The following KAZN variants were observed in gnomAD, a reference collection of about 807,000 sequenced individuals.
KAZN encodes the protein kazrin, periplakin interacting protein.
Under a neutral mutation model 87.4 loss-of-function variants are expected in KAZN, and 40 were observed. The observed-to-expected ratio is 0.46, with a 90% confidence interval of 0.36 to 0.60. KAZN has a LOEUF of 0.60. Among genes scored for constraint, KAZN ranks in the 20% least tolerant of loss-of-function variants. The pLI is 0.00. For missense variants in KAZN, 898 were observed against 1,073.9 expected (o/e 0.84, Z 2.29); for synonymous variants, 466 against 458.3 (o/e 1.02, Z -0.22).
chr1:14,289,364 C>A (rs1653502839), intron 2 of KAZN, among the ~76,000 whole-genome samples: 1 of 152,106 alleles, frequency 6.6e-6, no homozygotes, highest in Non-Finnish European at 1.5e-5. Context: ...TCTGGGTGCT[C>A]CTGTATTGGG....
At chr1:14,484,903 G>T (rs1669266102) in intron 2 of KAZN, among the ~76,000 whole-genome samples, 1 of 152,184 alleles carries the variant, frequency 6.6e-6, no homozygotes. Flanking sequence ...ACTTCTGTTT[G>T]TCTCATGTCT....
At chr1:14,179,788 CCT>C (rs1646157977) in intron 1 of KAZN, among the ~76,000 whole-genome samples, 1 of 152,136 alleles carries the variant, frequency 6.6e-6, no homozygotes, top group Non-Finnish European at 1.5e-5. Context: ...TTAAAAGAAG[CCT>C]CTCTGCTGTG....
chr1:14,834,181 A>G (rs1647145103), intron 1 of KAZN, among the ~76,000 whole-genome samples: 1 of 151,630 alleles, frequency 6.6e-6, no homozygotes, highest in African/African-American at 2.4e-5. Context: ...GGTTGCAGTC[A>G]TCTGCCACCA....
chr1:13,950,221 G>A (rs186906166), intron 1 of KAZN, among the ~76,000 whole-genome samples: 22 of 152,192 alleles, frequency 1.4e-4, no homozygotes, highest in Non-Finnish European at 1.5e-4. Flanking sequence ...CGCCTCCTCC[G>A]ATGGTCCTGC....
intron 1 of KAZN, among the ~76,000 whole-genome samples, chr1:14,827,274 G>A (rs951389331): frequency 2.6e-5 from 4 of 152,198 alleles, no homozygotes; most frequent in Admixed American, 6.5e-5. Flanking sequence ...TAAACTTTCC[G>A]TAAGTGTTTG....
At chr1:14,621,470 C>G (rs971603935) in intron 1 of KAZN, among the ~76,000 whole-genome samples, 1 of 152,208 alleles carries the variant, frequency 6.6e-6, no homozygotes, top group Non-Finnish European at 1.5e-5. Flanking sequence ...ACCATAGAGA[C>G]AGGTCTCCTC....
At chr1:14,064,174 AG>A (rs1642911107) in intron 1 of KAZN, among the ~76,000 whole-genome samples, 1 of 152,188 alleles carries the variant, frequency 6.6e-6, no homozygotes, top group Admixed American at 6.5e-5. Context: ...AAGTATATGC[AG>A]TAGCTCACAG....
intron 1 of KAZN, among the ~76,000 whole-genome samples, chr1:14,164,758 C>T (rs747659060): frequency 6.6e-6 from 1 of 151,896 alleles, no homozygotes; most frequent in Non-Finnish European, 1.5e-5. Flanking sequence ...CAGGCTGGTC[C>T]CAAATCCTAA....
chr1:14,481,412 G>A lies in KAZN; in HGVS notation c.250-117571G>A, dbSNP rs149639549. 6.3e-3 allele frequency among the ~76,000 whole-genome samples: 866 copies of A among 136,812 alleles called. 7 individuals are homozygous for A. Among genetic ancestry groups the A allele is most frequent in the Non-Finnish European group, 0.01 (648 of 62,678 alleles). The allele number at this position is 136,812 out of a possible 152,430, so 89.8% of individuals were successfully genotyped here. A position where few individuals can be genotyped will look rare whatever the true frequency, so the allele number is the denominator to read the frequency against. ...TATTATAAAGTAGCTCAGTGTTAGG[G>A]CCAATTTTCTAGAAAAAAAACTATC... On this transcript the variant is annotated intron_variant, in intron 2 of 16. Coordinates refer to the KAZN transcript ENST00000636203.
intron 1 of KAZN, among the ~76,000 whole-genome samples, chr1:14,666,200 G>C (rs1278288471): frequency 6.6e-6 from 1 of 151,992 alleles, no homozygotes; most frequent in African/African-American, 2.4e-5. Context: ...TACCAGAGAA[G>C]ATCTCGTGTG....
chr1:14,964,215 G>A (rs1409462477), intron 2 of KAZN, among the ~76,000 whole-genome samples: 2 of 152,134 alleles, frequency 1.3e-5, no homozygotes, highest in Non-Finnish European at 2.9e-5. Flanking sequence ...TAACCTCCCT[G>A]CCCCATGATT....
At chr1:14,423,192 T>G (rs1665531112) in intron 2 of KAZN, among the ~76,000 whole-genome samples, 1 of 152,188 alleles carries the variant, frequency 6.6e-6, no homozygotes, top group Admixed American at 6.5e-5. Context: ...ATGACAAGGC[T>G]CTGGACTGAG....
intron 1 of KAZN, among the ~76,000 whole-genome samples, chr1:14,638,183 T>C (rs2148670358): frequency 6.6e-6 from 1 of 152,308 alleles, no homozygotes; most frequent in Non-Finnish European, 1.5e-5. Flanking sequence ...AAAGACCCTG[T>C]TTCCAAATAC....
At chr1:14,787,202 G>A (rs116880844) in intron 1 of KAZN, among the ~76,000 whole-genome samples, 2,238 of 152,306 alleles carry the variant, frequency 0.015, 59 homozygotes, top group Admixed American at 0.068. Context: ...ATGCGTTCAC[G>A]TATGCATTGC....
intron 1 of KAZN, among the ~76,000 whole-genome samples, chr1:14,014,235 G>A (rs1010118814): frequency 3.3e-5 from 5 of 152,026 alleles, no homozygotes; most frequent in Non-Finnish European, 7.4e-5. Context: ...GCCGAATCTG[G>A]AATTTCCTGA....
intron 2 of KAZN, among the ~76,000 whole-genome samples, chr1:14,425,400 G>A (rs1473523547): frequency 1.3e-5 from 2 of 152,196 alleles, no homozygotes; most frequent in Admixed American, 6.5e-5. Context: ...AAGGTTCATT[G>A]TGAGTTCAAG....
intron 1 of KAZN, among the ~76,000 whole-genome samples, chr1:14,600,514 T>C (rs764448243): frequency 3.9e-5 from 6 of 151,940 alleles, no homozygotes; most frequent in East Asian, 1.9e-4. Context: ...GTCTTAGGAA[T>C]TGGGGGGAGT....
At position 14,584,866 on chromosome 1, in the gene KAZN, C is replaced by T. The variant is rs993072744; in HGVS notation, c.250-14117C>T. On this transcript the variant is annotated intron_variant, in intron 2 of 16. Transcript: ENST00000636203. ...CCACATTGGTCAGGCTGGTCTCAAACTCCCGACCTCTGGTGATCCTCCTGC... is the reference window on the plus strand; with the variant it reads ...CCACATTGGTCAGGCTGGTCTCAAATTCCCGACCTCTGGTGATCCTCCTGC... Among the ~76,000 whole-genome samples the T allele has an allele frequency of 3.9e-5, 6 of 152,198 alleles. No homozygotes were observed. In the South Asian group the frequency reaches 1.2e-3, roughly 32 times the overall value.
chr1:15,084,322 G>GT (rs1640147833), intron 8 of KAZN, among the ~76,000 whole-genome samples: 1 of 152,244 alleles, frequency 6.6e-6, no homozygotes, highest in African/African-American at 2.4e-5. Flanking sequence ...AGGAAGCAGT[G>GT]TGCTGGGTGG....
Sources: gnomAD v4.1 joint callset for allele counts (sites outside exome capture counted in the v4.1 genomes callset) on GRCh38, gnomAD v4.1.1 for gene constraint, MANE v1.5 for transcripts, NCBI Gene and HGNC (gene_info 2026-07-23, HGNC 2026-07-21) for gene names.